Variants in CLDN10 observed in about 807,000 individuals in gnomAD.
CLDN10 encodes claudin-10.
In CLDN10, 15 loss-of-function variants were observed where a neutral mutation model predicts 22.9. The observed-to-expected ratio is 0.65, with a 90% CI of 0.44 to 1.01. CLDN10 has a LOEUF of 1.01. Among genes scored for constraint, CLDN10 ranks in the 50% least tolerant of loss-of-function variants. CLDN10 has a pLI of 0.00. For missense variants in CLDN10, 247 were observed against 287.8 expected (o/e 0.86, Z 1.03); for synonymous variants, 114 against 111.4 (o/e 1.02, Z -0.15).
intron 1 of CLDN10, among the ~76,000 whole-genome samples, chr13:95,511,309 G>A (rs375204942): frequency 2.1e-4 from 32 of 152,106 alleles, no homozygotes; most frequent in African/African-American, 7.5e-4. Context: ...CAAAACCTAT[G>A]ATAGAATGGC....
chr13:95,434,471 A>G (rs2042244631), intron 1 of CLDN10, among the ~76,000 whole-genome samples: 1 of 111,938 alleles, frequency 8.9e-6, no homozygotes, highest in Admixed American at 8.8e-5. Flanking sequence ...ATATATATAC[A>G]CCCACAAACA....
chr13:95,550,006 C>T (rs1459577073), upstream of CLDN10, among the ~76,000 whole-genome samples: 1 of 152,154 alleles, frequency 6.6e-6, no homozygotes, highest in Admixed American at 6.5e-5. Context: ...ACTGTTTATA[C>T]ACACATACAC....
chr13:95,517,529 T>G (rs939944959), intron 1 of CLDN10, among the ~76,000 whole-genome samples: 4 of 152,220 alleles, frequency 2.6e-5, no homozygotes, highest in African/African-American at 9.6e-5. Context: ...ATGGATACAC[T>G]TCCTATTCTT....
chr13:95,552,511 G>A (rs761054933), upstream of CLDN10, among the ~76,000 whole-genome samples: 1 of 151,808 alleles, frequency 6.6e-6, no homozygotes, highest in Non-Finnish European at 1.5e-5. Flanking sequence ...TCCCGCACGC[G>A]GGCGCGGGCC....
At chr13:95,521,415 C>A (rs979231914) in intron 1 of CLDN10, among the ~76,000 whole-genome samples, 1 of 152,032 alleles carries the variant, frequency 6.6e-6, no homozygotes, top group Admixed American at 6.6e-5. Context: ...TTATTCAATG[C>A]TTTTTTGACA....
At chr13:95,549,967 T>C (rs1401681817), upstream of CLDN10, among the ~76,000 whole-genome samples, 1 of 152,230 alleles carries the variant, frequency 6.6e-6, no homozygotes, top group Admixed American at 6.5e-5. Context: ...CTTCCTGTGA[T>C]GCATACCACC....
intron 1 of CLDN10, among the ~76,000 whole-genome samples, chr13:95,436,442 C>T (rs1594516842): frequency 6.6e-6 from 1 of 152,114 alleles, no homozygotes; most frequent in Non-Finnish European, 1.5e-5. Flanking sequence ...GCCTTGGCCT[C>T]TTAACGTGCT....
upstream of CLDN10, among the ~76,000 whole-genome samples, chr13:95,551,765 A>AT (rs1167128509): frequency 1.3e-5 from 2 of 152,180 alleles, no homozygotes; most frequent in African/African-American, 4.8e-5. Flanking sequence ...TTATGCCCAG[A>AT]TTTGTGGCCT....
chr13:95,547,359 T>C (rs1180500045), intron 1 of CLDN10, among the ~76,000 whole-genome samples: 3 of 152,172 alleles, frequency 2.0e-5, no homozygotes, highest in Non-Finnish European at 2.9e-5. Flanking sequence ...CCACACTTTC[T>C]GCTTTCCTAC....
chr13:95,556,485 A>T (rs968970960), intron 1 of CLDN10, among the ~76,000 whole-genome samples: 3 of 152,216 alleles, frequency 2.0e-5, no homozygotes, highest in African/African-American at 7.2e-5. Context: ...ACCCAGCTCT[A>T]ATTTCTGCTT....
intron 1 of CLDN10, among the ~76,000 whole-genome samples, chr13:95,486,655 T>C (rs1236845376): frequency 1.4e-4 from 21 of 151,986 alleles, no homozygotes; most frequent in Non-Finnish European, 3.1e-4. Context: ...GTAACCAGAG[T>C]ACAGTGAACC....
At chr13:95,446,372 G>T (rs189414762) in intron 1 of CLDN10, among the ~76,000 whole-genome samples, 1 of 152,304 alleles carries the variant, frequency 6.6e-6, no homozygotes, top group Non-Finnish European at 1.5e-5. Context: ...GACTTCAATA[G>T]TTTTGAACAA....
At chr13:95,494,172 C>T (rs1159132127) in intron 1 of CLDN10, among the ~76,000 whole-genome samples, 4 of 152,160 alleles carry the variant, frequency 2.6e-5, no homozygotes, top group African/African-American at 4.8e-5. Context: ...GATTCTCCAC[C>T]GTTCTTGAGT....
chr13:95,553,377 C>G (rs2043592130), intron 1 of CLDN10, among the ~76,000 whole-genome samples: 1 of 152,198 alleles, frequency 6.6e-6, no homozygotes, highest in South Asian at 2.1e-4. Flanking sequence ...CCCCTACGTT[C>G]CCCGAAGGCT....
At chr13:95,547,576 G>T (rs1486411825) in intron 1 of CLDN10, among the ~76,000 whole-genome samples, 1 of 152,004 alleles carries the variant, frequency 6.6e-6, no homozygotes, top group Non-Finnish European at 1.5e-5. Flanking sequence ...TCTTCACAAC[G>T]CCTTTGAAAG....
At chr13:95,449,962 C>T (rs918149237) in intron 1 of CLDN10, among the ~76,000 whole-genome samples, 3 of 152,052 alleles carry the variant, frequency 2.0e-5, no homozygotes, top group Non-Finnish European at 2.9e-5. Flanking sequence ...CCAGGATGGT[C>T]TCAATCCCCT....
At chr13:95,497,121 A>G (rs2042937760) in intron 1 of CLDN10, 1 of 142,832 alleles carries the variant, frequency 7.0e-6, no homozygotes, top group African/African-American at 2.5e-5. Flanking sequence ...CACACAAAGG[A>G]AGCACTAAAA....
intron 1 of CLDN10, among the ~76,000 whole-genome samples, chr13:95,502,950 T>G (rs2043001551): frequency 1.3e-5 from 2 of 152,212 alleles, no homozygotes; most frequent in South Asian, 4.1e-4. Flanking sequence ...TTTGTATGGA[T>G]GAATGAAAGG....
chr13:95,497,096 A>C (rs906750060), intron 1 of CLDN10: 1 of 151,350 alleles, frequency 6.6e-6, no homozygotes, highest in Middle Eastern at 3.4e-3. Flanking sequence ...GCTTCTATAC[A>C]GGGCAATACG....
Sources: gnomAD v4.1 joint callset for allele counts (sites outside exome capture counted in the v4.1 genomes callset) on GRCh38, gnomAD v4.1.1 for gene constraint, MANE v1.5 for transcripts, NCBI Gene and HGNC (gene_info 2026-07-23, HGNC 2026-07-21) for gene names.